Variants in SYT17 observed in about 807,000 individuals in gnomAD.
SYT17 encodes synaptotagmin 17, also known as synaptotagmin-17.
Under a neutral mutation model 46.7 loss-of-function variants are expected in SYT17, and 22 were observed. That is an observed-to-expected ratio of 0.47 (90% CI 0.34 to 0.67). SYT17 has a LOEUF of 0.67. Ranked by LOEUF, SYT17 falls within the 30% of genes least tolerant of loss-of-function variation. The pLI, the probability that SYT17 is intolerant of heterozygous loss-of-function variation, is 0.01. For missense variants in SYT17, 519 were observed against 612.8 expected (o/e 0.85, Z 1.62); for synonymous variants, 251 against 248.4 (o/e 1.01, Z -0.10).
chr16:19,198,673 C>T (rs188884234), intron 5 of SYT17, among the ~76,000 whole-genome samples: 15 of 152,292 alleles, frequency 9.8e-5, no homozygotes, highest in Admixed American at 3.3e-4. Context: ...TAACTGTTGC[C>T]CTGTCTCACT....
At chr16:19,210,060 T>C (rs143774710) in intron 5 of SYT17, among the ~76,000 whole-genome samples, 1,486 of 141,606 alleles carry the variant, frequency 0.01, 11 homozygotes, top group Non-Finnish European at 0.014. Context: ...TGTAATTCTT[T>C]TAGTTTTATT....
At chr16:19,205,790 T>C (rs1479641087) in intron 5 of SYT17, among the ~76,000 whole-genome samples, 6 of 152,224 alleles carry the variant, frequency 3.9e-5, no homozygotes, top group Admixed American at 2.0e-4. Flanking sequence ...CCCCTTGACT[T>C]TCCTTTTAAA....
intron 5 of SYT17, among the ~76,000 whole-genome samples, chr16:19,195,135 T>C (rs1261943859): frequency 6.6e-6 from 1 of 152,218 alleles, no homozygotes; most frequent in East Asian, 1.9e-4. Flanking sequence ...AGGATAGTGA[T>C]GGTGGCAAGC....
chr16:19,172,913 A>G, intron 2 of SYT17, 136 bp downstream of exon 2: 1 of 1,123,616 alleles, frequency 8.9e-7, no homozygotes. Flanking sequence ...CACAGTTTCC[A>G]TTCCTTTCTA....
intron 7 of SYT17, among the ~76,000 whole-genome samples, chr16:19,229,460 G>C (rs1000265418): frequency 1.3e-5 from 2 of 152,048 alleles, no homozygotes; most frequent in Non-Finnish European, 2.9e-5. Flanking sequence ...GATCTCAGGA[G>C]AACTCACTCA....
At chr16:19,222,979 T>C (rs1054747421) in intron 5 of SYT17, 66 bp from the exon 6 acceptor site, 4 of 1,595,466 alleles carry the variant, frequency 2.5e-6, no homozygotes, top group Non-Finnish European at 3.4e-6. Flanking sequence ...AATCAATTTC[T>C]TGTATGGTGG....
At chr16:19,227,816 T>C (rs1201471724) in intron 7 of SYT17, among the ~76,000 whole-genome samples, 2 of 152,238 alleles carry the variant, frequency 1.3e-5, no homozygotes, top group Non-Finnish European at 2.9e-5. Context: ...AGGCAGTGCT[T>C]CCAAGTTCTG....
intron 3 of SYT17, among the ~76,000 whole-genome samples, chr16:19,178,515 CCCCTGACCTCAAGTGATCCA>C (rs1238084746): frequency 2.0e-5 from 3 of 151,914 alleles, no homozygotes; most frequent in African/African-American, 7.3e-5. Context: ...TGGTCTCGAA[CCCCTGACCTCAAGTGATCCA>C]CCCACCTCAG....
At chr16:19,184,694 G>A (rs1172314309) in intron 5 of SYT17, among the ~76,000 whole-genome samples, 1 of 151,878 alleles carries the variant, frequency 6.6e-6, no homozygotes, top group Non-Finnish European at 1.5e-5. Context: ...TTTATCACAT[G>A]TATAGATTCC....
intron 5 of SYT17, among the ~76,000 whole-genome samples, chr16:19,215,328 C>T (rs998168827): frequency 6.6e-6 from 1 of 152,158 alleles, no homozygotes; most frequent in East Asian, 1.9e-4. Context: ...CAACAACAAA[C>T]CAGGAATGTA....
intron 7 of SYT17, among the ~76,000 whole-genome samples, chr16:19,261,191 TAC>T (rs1968952055): frequency 6.6e-6 from 1 of 152,218 alleles, no homozygotes; most frequent in Admixed American, 6.5e-5. Context: ...ACTTAGAATT[TAC>T]AGTGATGGCA....
At position 19,267,379 on chromosome 16, in the gene SYT17, C is replaced by T. The variant is rs1193924811; in HGVS notation, c.*303C>T. ...TTGGCAGTGCCTGCTCTTGTCAATA[C>T]TCCTGCCCCAAAATGCACTTTCAAC... On this transcript the variant is annotated 3_prime_UTR_variant, in exon 8 of 8. Transcript: ENST00000355377. 2 of 231,778 alleles carry T rather than the reference C, an allele frequency of 8.6e-6. No homozygotes were observed. Among genetic ancestry groups the T allele is most frequent in the Non-Finnish European group, 1.7e-5 (2 of 120,220 alleles). 14.4% of individuals were successfully genotyped at this position (231,778 alleles called of 1,614,324 possible).
chr16:19,178,874 G>T (rs1029445967), intron 3 of SYT17, among the ~76,000 whole-genome samples: 1 of 151,886 alleles, frequency 6.6e-6, no homozygotes, highest in Non-Finnish European at 1.5e-5. Context: ...AGTATTGGGG[G>T]GGATCTTAAA....
intron 4 of SYT17, among the ~76,000 whole-genome samples, chr16:19,181,779 C>A (rs184434678): frequency 4.0e-5 from 6 of 150,824 alleles, no homozygotes; most frequent in African/African-American, 1.5e-4. Context: ...GCGGGAGGAT[C>A]ACCTGAGGTC....
At chr16:19,229,303 G>C (rs998070463) in intron 7 of SYT17, among the ~76,000 whole-genome samples, 3 of 152,196 alleles carry the variant, frequency 2.0e-5, no homozygotes, top group Non-Finnish European at 4.4e-5. Flanking sequence ...TGTACAGGAA[G>C]CATGAGGCTG....
At chr16:19,196,874 A>C (rs939407532) in intron 5 of SYT17, among the ~76,000 whole-genome samples, 11 of 152,130 alleles carry the variant, frequency 7.2e-5, no homozygotes, top group Non-Finnish European at 1.2e-4. Flanking sequence ...TTAAGCCAAA[A>C]TACTTGATAA....
At chr16:19,240,035 G>T (rs963912537) in intron 7 of SYT17, among the ~76,000 whole-genome samples, 3 of 152,208 alleles carry the variant, frequency 2.0e-5, no homozygotes, top group African/African-American at 7.2e-5. Flanking sequence ...CAGAAGCTTG[G>T]AGACACCAGG....
chr16:19,220,303 CTTT>C (rs1555459738), intron 5 of SYT17, among the ~76,000 whole-genome samples: 1 of 80,510 alleles, frequency 1.2e-5, no homozygotes. Context: ...TTCTTTCTTT[CTTT>C]TTTTTTTTTT....
chr16:19,227,084 G>T (rs988330439), intron 7 of SYT17, among the ~76,000 whole-genome samples: 13 of 152,216 alleles, frequency 8.5e-5, no homozygotes, highest in African/African-American at 3.1e-4. Context: ...GTAAAATGGG[G>T]ATAACAATAC....
Sources: allele counts gnomAD v4.1 joint callset (sites outside exome capture counted in the v4.1 genomes callset), GRCh38; gene constraint gnomAD v4.1.1; transcripts MANE v1.5; gene names NCBI Gene and HGNC (gene_info 2026-07-23, HGNC 2026-07-21).